The following SKI variants were observed in gnomAD, a reference collection of about 807,000 sequenced individuals.
SKI encodes SKI proto-oncogene.
A neutral mutation model predicts 59.3 loss-of-function variants in SKI; 23 were observed. The observed-to-expected ratio is 0.39, with a 90% CI of 0.28 to 0.55. SKI has a LOEUF of 0.55. Among genes scored for constraint, SKI ranks in the 20% least tolerant of loss-of-function variants. The probability of loss-of-function intolerance (pLI) is 0.67; values close to 1 mark genes in which losing one functional copy is unlikely to be tolerated. For missense variants in SKI, 1,017 were observed against 1,038.9 expected (o/e 0.98, Z 0.29); for synonymous variants, 673 against 488.6 (o/e 1.38, Z -4.98).
intron 5 of SKI, among the ~76,000 whole-genome samples, chr1:2,305,715 C>T (rs1184664640): frequency 6.6e-6 from 1 of 152,208 alleles, no homozygotes; most frequent in Non-Finnish European, 1.5e-5. Context: ...ACTTGGCTTG[C>T]TGCCCCCAAG....
chr1:2,306,235 C>T lies in SKI; in HGVS notation c.1983C>T (p.Ala661=), dbSNP rs973734662. The change falls in exon 6 of 7, where the codon GCC becomes GCT. Residue 661 remains alanine, a synonymous_variant. Transcript: ENST00000378536. ...GCTGCGAGGCGGGCCGCCTGCGCGC[C>T]AAGTACTCGGCCCAGGTATGCGGGT... ...DKGCEAGRLR[A]KYSAQIEDLQ... is the part of the protein sequence containing the mutation. 6.4e-6 allele frequency: 10 copies of T among 1,556,408 alleles called. No individual in the cohort carries two copies. Among genetic ancestry groups the T allele is most frequent in the Admixed American group, 3.9e-5 (2 of 51,544 alleles).
chr1:2,229,667 G>A lies in SKI; in HGVS notation c.901G>A (p.Gly301Ser), dbSNP rs1445231657. 7 of 1,609,860 alleles carry A rather than the reference G, an allele frequency of 4.3e-6. No homozygotes were observed. The highest frequency in any genetic ancestry group is 1.7e-5 in the Admixed American group (1 of 59,562). Residue 301 changes from glycine (G) to serine (S), a missense_variant, in exon 1 of 7, where the codon GGC becomes AGC. Transcript: ENST00000378536. This position sits in a 1 kb window ranked among gnomAD's most constrained non-coding sequence, Gnocchi z 6.3. ...GGGCAAGGAGGAGCAGGCGCGCCTCGGCCGCTGCCTGGACGACGTGAAGGA... is the reference window on the plus strand; with the variant it reads ...GGGCAAGGAGGAGCAGGCGCGCCTCAGCCGCTGCCTGGACGACGTGAAGGA... ...YTGKEEQARLGRCLDDVKEKF... is the reference protein window; with the variant it reads ...YTGKEEQARLSRCLDDVKEKF...
At chr1:2,251,163 C>T (rs1051442649) in intron 1 of SKI, among the ~76,000 whole-genome samples, 13 of 152,044 alleles carry the variant, frequency 8.6e-5, no homozygotes, top group Non-Finnish European at 1.0e-4. Flanking sequence ...GCCTTCTTGC[C>T]GTGTAGTAGC....
At position 2,229,087 on chromosome 1, in the gene SKI, C is replaced by A. The variant is rs1638571302; in HGVS notation, c.321C>A (p.Gly107=). 2.5e-6 allele frequency: 4 copies of A among 1,608,834 alleles called. No homozygotes were observed. In the South Asian group the frequency reaches 4.4e-5, roughly 18 times the overall value. The change falls in exon 1 of 7, where the codon GGC becomes GGA. Residue 107 remains glycine (G), a synonymous_variant. Coordinates refer to ENST00000378536, the MANE Select transcript of SKI (RefSeq NM_003036.4). The surrounding 1 kb of genome is among the most constrained non-coding windows in gnomAD (Gnocchi z 6.3). The stretch of plus-strand genomic sequence containing the variant: ...AGCGCTGCGAGACCGTACTGGAAGG[C>A]GAGACCATCTCGTGCTTCGTGGTGG... ...STERCETVLE[G]ETISCFVVGG... is the part of the protein sequence containing the mutation.
chr1:2,302,089 G>A (rs982733621), intron 1 of SKI, among the ~76,000 whole-genome samples: 2 of 152,250 alleles, frequency 1.3e-5, no homozygotes, highest in Non-Finnish European at 2.9e-5. Flanking sequence ...GAGGCTGGAT[G>A]TACCGGCTCA....
intron 1 of SKI, among the ~76,000 whole-genome samples, chr1:2,241,441 A>C (rs1199601443): frequency 6.6e-6 from 1 of 151,866 alleles, no homozygotes; most frequent in Non-Finnish European, 1.5e-5. Flanking sequence ...CGCCCAGGCT[A>C]TAGTGCAGTG....
intron 1 of SKI, among the ~76,000 whole-genome samples, chr1:2,259,699 A>G (rs1013637263): frequency 6.6e-6 from 1 of 152,062 alleles, no homozygotes; most frequent in Admixed American, 6.5e-5. Context: ...GCTCTCTCCT[A>G]CCCACACCCC....
chr1:2,250,333 G>A (rs781585795), intron 1 of SKI, among the ~76,000 whole-genome samples: 2 of 152,208 alleles, frequency 1.3e-5, no homozygotes, highest in African/African-American at 4.8e-5. Flanking sequence ...CCCAGAACCC[G>A]CTGTCCGTTC....
Position 2,306,037 on chromosome 1 carries a change from C to T in SKI, c.1785C>T (p.Arg595=). Residue 595 remains arginine, a synonymous_variant, in exon 6 of 7, where the codon CGC becomes CGT. Transcript: ENST00000378536. The part of the protein sequence containing the change: ...RSLHQELEFL[R]VAKKEKLREA... ...GCCCCCAGGAGCTGGAGTTCCTACG[C>T]GTGGCCAAGAAGGAGAAGCTGCGGG... 3 of 1,588,448 alleles carry T rather than the reference C, an allele frequency of 1.9e-6. No homozygotes were observed. Among genetic ancestry groups the T allele is most frequent in the Non-Finnish European group, 2.6e-6 (3 of 1,169,314 alleles).
chr1:2,273,739 G>A (rs1292084702), intron 1 of SKI, among the ~76,000 whole-genome samples: 3 of 152,208 alleles, frequency 2.0e-5, no homozygotes, highest in East Asian at 1.9e-4. Context: ...AAGTGTGCTC[G>A]TGCAGGACCT....
chr1:2,309,588 G>C lies in SKI; in HGVS notation c.*2823G>C, dbSNP rs1275594723. ...CTGAGGAAAAAAAAAATGCTTTCCTGCCGGGGGGCAGGGGAGACGGAGAAA... is the reference window on the plus strand; with the variant it reads ...CTGAGGAAAAAAAAAATGCTTTCCTCCCGGGGGGCAGGGGAGACGGAGAAA... On this transcript the variant is annotated 3_prime_UTR_variant, in exon 7 of 7. Transcript: ENST00000378536. The C allele has an allele frequency of 6.6e-6, 1 of 151,760 alleles. No individual in the cohort carries two copies. Among genetic ancestry groups the C allele is most frequent in the African/African-American group, 2.4e-5 (1 of 41,248 alleles). 9.4% of individuals were successfully genotyped at this position (151,760 alleles called of 1,614,324 possible). A position where few individuals can be genotyped will look rare whatever the true frequency, so the allele number is the denominator to read the frequency against.
intron 1 of SKI, among the ~76,000 whole-genome samples, chr1:2,242,716 C>T (rs997562269): frequency 2.0e-5 from 3 of 152,034 alleles, no homozygotes; most frequent in African/African-American, 7.3e-5. Context: ...GATGTGATCT[C>T]CGTTTGTTAC....
chr1:2,300,026 T>G (rs1451418271), intron 1 of SKI, among the ~76,000 whole-genome samples: 3 of 152,174 alleles, frequency 2.0e-5, no homozygotes, highest in Non-Finnish European at 4.4e-5. Flanking sequence ...AACTGTTCCG[T>G]CAGAGGGCCT....
At chr1:2,284,793 C>T (rs1275198889) in intron 1 of SKI, among the ~76,000 whole-genome samples, 7 of 152,114 alleles carry the variant, frequency 4.6e-5, no homozygotes, top group Non-Finnish European at 7.4e-5. Context: ...CAGGTGGACA[C>T]GGGGGCCCAC....
At chr1:2,259,315 T>G (rs948938371) in intron 1 of SKI, among the ~76,000 whole-genome samples, 1 of 152,194 alleles carries the variant, frequency 6.6e-6, no homozygotes, top group African/African-American at 2.4e-5. Flanking sequence ...GGAAAACACT[T>G]GCAGGTTCCT....
chr1:2,279,751 G>C (rs1400837160), intron 1 of SKI, among the ~76,000 whole-genome samples: 1 of 152,174 alleles, frequency 6.6e-6, no homozygotes, highest in East Asian at 1.9e-4. Context: ...GTCTCACTCT[G>C]TCGCCCAGGC....
At chr1:2,261,017 A>G (rs1483850215) in intron 1 of SKI, among the ~76,000 whole-genome samples, 1 of 152,188 alleles carries the variant, frequency 6.6e-6, no homozygotes. Context: ...ACCTGAGTTC[A>G]TTTCTTTGCC....
chr1:2,254,343 C>T (rs185595773), intron 1 of SKI, among the ~76,000 whole-genome samples: 145 of 152,282 alleles, frequency 9.5e-4, no homozygotes, highest in Non-Finnish European at 1.8e-3. Flanking sequence ...CGTGGGTCTT[C>T]GTGTCACAGG....
intron 1 of SKI, among the ~76,000 whole-genome samples, chr1:2,255,480 A>G (rs1319641189): frequency 6.7e-6 from 1 of 148,340 alleles, no homozygotes; most frequent in Non-Finnish European, 1.5e-5. Flanking sequence ...TCTGGAACAC[A>G]CTGTGTCCTG....
Sources: gnomAD v4.1 joint callset for allele counts (sites outside exome capture counted in the v4.1 genomes callset) on GRCh38, gnomAD v4.1.1 for gene constraint, Gnocchi (gnomAD v3.1) non-coding constraint, MANE v1.5 for transcripts, NCBI Gene and HGNC (gene_info 2026-07-23, HGNC 2026-07-21) for gene names.